The following SLC9A5 variants were observed in gnomAD, a reference collection of about 807,000 sequenced individuals.
SLC9A5 encodes sodium/hydrogen exchanger 5.
A neutral mutation model predicts 91.7 loss-of-function variants in SLC9A5; 52 were observed. The ratio of observed to expected loss-of-function variants is 0.57; its 90% confidence interval spans 0.45 to 0.71. SLC9A5 has a LOEUF of 0.71. SLC9A5 is among the 30% of genes least tolerant of loss of function. SLC9A5 has a pLI of 0.00. For synonymous variants in SLC9A5, 419 were observed against 474.5 expected (o/e 0.88, Z 1.52); for missense variants, 871 against 1,158.9 (o/e 0.75, Z 3.61).
chr16:67,265,718 T>A (rs1362564116), intron 14 of SLC9A5, among the ~76,000 whole-genome samples: 2 of 152,218 alleles, frequency 1.3e-5, no homozygotes, highest in Non-Finnish European at 2.9e-5. Context: ...CCACCGCACC[T>A]GGCTGCAAAG....
chr16:67,266,850 C>CTTT (rs61525765), intron 15 of SLC9A5, among the ~76,000 whole-genome samples: 3 of 118,966 alleles, frequency 2.5e-5, no homozygotes, highest in African/African-American at 3.1e-5. Flanking sequence ...CTATTCTTTT[C>CTTT]TTTTTTTTTT....
Position 67,252,318 on chromosome 16 carries a change from G to A in SLC9A5, c.188-224G>A, listed in dbSNP as rs117986964. On this transcript the variant is annotated intron_variant, in intron 1 of 15. Coordinates refer to ENST00000299798, the MANE Select transcript of SLC9A5 (RefSeq NM_004594.3). This position sits in a 1 kb window ranked among gnomAD's most constrained non-coding sequence, Gnocchi z 4.0. ...TAAAAAAAATTATCTGGGCATGGTG[G>A]CGCGTGTCTGTAGTCCCCGTACTCA... 0.037 allele frequency among the ~76,000 whole-genome samples: 5,620 copies of A among 152,148 alleles called. 116 individuals carry two copies. Among genetic ancestry groups the A allele is most frequent in the African/African-American group, 0.05 (2,063 of 41,484 alleles).
chr16:67,265,325 C>T (rs934670188), intron 14 of SLC9A5, among the ~76,000 whole-genome samples: 2 of 152,182 alleles, frequency 1.3e-5, no homozygotes, highest in African/African-American at 4.8e-5. Context: ...GTTACAGGCC[C>T]CGAGGACTTG....
intron 12 of SLC9A5, among the ~76,000 whole-genome samples, chr16:67,260,578 G>A (rs1471118985): frequency 1.3e-5 from 2 of 152,046 alleles, no homozygotes; most frequent in Non-Finnish European, 1.5e-5. Context: ...AGGGCTGAGC[G>A]GTGGGAAAGA....
In SLC9A5 at chr16:67,255,445, A is replaced by C. The variant is rs760032923; in HGVS notation, c.707A>C (p.Gln236Pro). The C allele has an allele frequency of 6.2e-7, 1 of 1,614,130 alleles. No individual in the cohort carries two copies. Among genetic ancestry groups the C allele is most frequent in the Admixed American group, 1.7e-5 (1 of 60,018 alleles). ...GTGGAGATGGGCTCTGCCAATGTGC[A>C]GGCCACTGACTACCTGAAGGGAGTC... ...SFVEMGSANV[Q>P]ATDYLKGVAS... Residue 236 changes from glutamine (Q) to proline (P), a missense_variant, in exon 4 of 16, where the codon CAG (glutamine) becomes CCG (proline). Physicochemically the swap from Gln to Pro is moderately conservative, Grantham distance 76 (BLOSUM62 -1). Coordinates refer to ENST00000299798, the MANE Select transcript of SLC9A5 (RefSeq NM_004594.3). The surrounding 1 kb of genome is among the most constrained non-coding windows in gnomAD (Gnocchi z 4.9).
In SLC9A5 at chr16:67,252,927, G is replaced by A. The variant is rs1444280500; in HGVS notation, c.490+83G>A. ...AAGCTCTGGAGGCCCATGCTGGTGTGAGCCATGCCCTGAAAGCTCCATCCT... is the reference window on the plus strand; with the variant it reads ...AAGCTCTGGAGGCCCATGCTGGTGTAAGCCATGCCCTGAAAGCTCCATCCT... On this transcript the variant is annotated intron_variant, in intron 2 of 15. Coordinates refer to ENST00000299798, the MANE Select transcript of SLC9A5 (RefSeq NM_004594.3). This position sits in a 1 kb window ranked among gnomAD's most constrained non-coding sequence, Gnocchi z 4.0. 6.2e-6 allele frequency: 8 copies of A among 1,298,304 alleles called. No homozygotes were observed. The highest frequency in any genetic ancestry group is 8.4e-6 in the Non-Finnish European group (8 of 952,002). The allele number at this position is 1,298,304 out of a possible 1,614,324, so 80.4% of individuals were successfully genotyped here.
chr16:67,249,300 A>T, intron 1 of SLC9A5, 99 bp downstream of exon 1: 8 of 1,016,400 alleles, frequency 7.9e-6, no homozygotes, highest in Non-Finnish European at 1.1e-5. Context: ...GGCTTCTTGC[A>T]CGGTGCTGGG....
At chr16:67,266,277 T>C in intron 15 of SLC9A5, 52 bp downstream of exon 15, 3 of 1,521,268 alleles carry the variant, frequency 2.0e-6, no homozygotes, top group Non-Finnish European at 2.6e-6. Context: ...TGGTTTCCTC[T>C]CTCTTCACTC....
Position 67,255,739 on chromosome 16 carries a change from C to T in SLC9A5, c.734-14C>T. On this transcript the variant is annotated splice_polypyrimidine_tract_variant and intron_variant, in intron 4 of 15. Transcript: ENST00000299798. This position sits in a 1 kb window ranked among gnomAD's most constrained non-coding sequence, Gnocchi z 4.9. Reference sequence around the variant, plus strand: ...CGGGCCAGGGGTCATGCTGACAACCCACTCCTCCCCCAGCCTCCCTGTTTG... The same window carrying T: ...CGGGCCAGGGGTCATGCTGACAACCTACTCCTCCCCCAGCCTCCCTGTTTG... The T allele has an allele frequency of 6.4e-7, 1 of 1,551,440 alleles. No individual in the cohort carries two copies. Among genetic ancestry groups the T allele is most frequent in the East Asian group, 2.4e-5 (1 of 41,838 alleles).
chr16:67,262,048 T>C, intron 12 of SLC9A5: 1 of 330,932 alleles, frequency 3.0e-6, no homozygotes, highest in Non-Finnish European at 6.1e-6. Context: ...AATAAGTTTG[T>C]GTGTATCCTG....
chr16:67,250,550 A>G (rs1377212592), intron 1 of SLC9A5, among the ~76,000 whole-genome samples: 9 of 152,180 alleles, frequency 5.9e-5, no homozygotes, highest in Admixed American at 5.2e-4. Context: ...TTCCCCATAA[A>G]TCATGGTTCT....
chr16:67,259,723 C>T, intron 11 of SLC9A5, 62 bp downstream of exon 11: 1 of 1,591,794 alleles, frequency 6.3e-7, no homozygotes, highest in Non-Finnish European at 8.6e-7. Flanking sequence ...CTCTCTGAGT[C>T]CCTTCTGGGG....
Position 67,257,784 on chromosome 16 carries a change from C to G in SLC9A5, c.1496+183C>G, listed in dbSNP as rs1302384690. Among the ~76,000 whole-genome samples, 1 of 152,238 alleles carries G rather than the reference C, an allele frequency of 6.6e-6. No homozygotes were observed. The highest frequency in any genetic ancestry group is 2.4e-5 in the African/African-American group (1 of 41,462). ...AGACAAGGCTCCCCAGTGTGGCCTG[C>G]TTGGCCCTGCATGGTTTGGCAACTG... On this transcript the variant is annotated intron_variant, in intron 9 of 15. Transcript: ENST00000299798. This position sits in a 1 kb window ranked among gnomAD's most constrained non-coding sequence, Gnocchi z 5.1.
At position 67,255,839 on chromosome 16, in the gene SLC9A5, C is replaced by T. The variant is rs2035296056; in HGVS notation, c.820C>T (p.Arg274Trp). 6.2e-6 allele frequency: 10 copies of T among 1,612,068 alleles called. No individual in the cohort carries two copies. Among genetic ancestry groups the T allele is most frequent in the South Asian group, 1.1e-5 (1 of 90,562 alleles). Reference protein sequence around the residue: ...LLALTTRFTKRVRIIEPLLVF... With the variant: ...LLALTTRFTKWVRIIEPLLVF... The stretch of plus-strand genomic sequence containing the variant: ...GGCCCTGACCACACGCTTCACCAAG[C>T]GGGTCCGCATCATCGAGCCGCTGCT... Residue 274 changes from arginine (R) to tryptophan (W), a missense_variant, in exon 5 of 16, where the codon CGG becomes TGG. Arg to Trp is a moderately radical substitution (Grantham distance 101). Coordinates refer to ENST00000299798, the MANE Select transcript of SLC9A5 (RefSeq NM_004594.3). The surrounding 1 kb of genome is among the most constrained non-coding windows in gnomAD (Gnocchi z 4.9).
rs746560754 is a variant in SLC9A5, at chr16:67,249,176, C to T, written c.162C>T (p.Ile54=). ...VEAPYLVALW[I]LVASLAKIVF... ...CGCCCTACCTGGTGGCCCTGTGGAT[C>T]CTGGTGGCCAGTCTGGCCAAAATCG... The change falls in exon 1 of 16, where the codon ATC becomes ATT. Residue 54 remains isoleucine (I), a synonymous_variant. Transcript: ENST00000299798. The T allele has an allele frequency of 1.3e-5, 20 of 1,548,696 alleles. No homozygotes were observed. In the South Asian group the frequency reaches 2.1e-4, roughly 17 times the overall value.
In SLC9A5 at chr16:67,252,888, T is replaced by C; in HGVS notation, c.490+44T>C. The C allele has an allele frequency of 1.3e-6, 2 of 1,527,070 alleles. No homozygotes were observed. Among genetic ancestry groups the C allele is most frequent in the Non-Finnish European group, 1.8e-6 (2 of 1,127,896 alleles). 94.6% of individuals were successfully genotyped at this position (1,527,070 alleles called of 1,614,324 possible). A position where few individuals can be genotyped will look rare whatever the true frequency, so the allele number is the denominator to read the frequency against. ...TGGGCTTTGCCAGACCCATCACCCC[T>C]CTCCCTTCTCCTCAAGCTCTGGAGG... On this transcript the variant is annotated intron_variant, in intron 2 of 15. Coordinates refer to ENST00000299798, the MANE Select transcript of SLC9A5 (RefSeq NM_004594.3). This position sits in a 1 kb window ranked among gnomAD's most constrained non-coding sequence, Gnocchi z 4.0.
At position 67,255,535 on chromosome 16, in the gene SLC9A5, C is replaced by T. The variant is rs747673119; in HGVS notation, c.733+64C>T. ...GCCTCCCCTGGGTTGCTGAGGCCCTCCCACCCCGCATCAGGACAGAAGAGG... is the reference window on the plus strand; with the variant it reads ...GCCTCCCCTGGGTTGCTGAGGCCCTTCCACCCCGCATCAGGACAGAAGAGG... On this transcript the variant is annotated intron_variant, in intron 4 of 15. Transcript: ENST00000299798. This position sits in a 1 kb window ranked among gnomAD's most constrained non-coding sequence, Gnocchi z 4.9. The T allele has an allele frequency of 1.3e-5, 20 of 1,504,206 alleles. No homozygotes were observed. The South Asian group carries it at 1.9e-4, about 14-fold the overall frequency. 93.2% of individuals were successfully genotyped at this position (1,504,206 alleles called of 1,614,324 possible).
intron 15 of SLC9A5, among the ~76,000 whole-genome samples, chr16:67,268,687 TATATATATATATATA>T (rs1246400050): frequency 1.3e-5 from 1 of 77,518 alleles, no homozygotes; most frequent in African/African-American, 7.9e-5. Context: ...TATATATATA[TATATATATATATATA>T]TATATATATT....
At chr16:67,251,472 G>T (rs972242743) in intron 1 of SLC9A5, among the ~76,000 whole-genome samples, 2 of 132,064 alleles carry the variant, frequency 1.5e-5, no homozygotes, top group Non-Finnish European at 3.1e-5. Context: ...GGAGTACAGT[G>T]GCATGATCTC....
Sources: allele counts gnomAD v4.1 joint callset (sites outside exome capture counted in the v4.1 genomes callset), GRCh38; gene constraint gnomAD v4.1.1; non-coding constraint Gnocchi (gnomAD v3.1); transcripts MANE v1.5; gene names NCBI Gene and HGNC (gene_info 2026-07-23, HGNC 2026-07-21).